The following C10orf90 variants were observed in gnomAD, a reference collection of about 807,000 sequenced individuals.
The protein encoded by C10orf90 is chromosome 10 open reading frame 90.
C10orf90 carries 56 observed loss-of-function variants against 62.5 expected under a neutral mutation model. That is an observed-to-expected ratio of 0.90 (90% CI 0.72 to 1.12). C10orf90 has a LOEUF of 1.12. C10orf90 is among the 50% of genes most tolerant of loss of function. The pLI is 0.00. For synonymous variants in C10orf90, 386 were observed against 340.4 expected (o/e 1.13, Z -1.47); for missense variants, 970 against 880.4 (o/e 1.10, Z -1.29).
intron 1 of C10orf90, among the ~76,000 whole-genome samples, chr10:126,652,200 A>G (rs1284349356): frequency 2.6e-5 from 4 of 152,210 alleles, no homozygotes; most frequent in Non-Finnish European, 4.4e-5. Flanking sequence ...TTGCTCTACC[A>G]TGATTCCCTC....
chr10:126,634,193 A>G (rs997301135), intron 2 of C10orf90, among the ~76,000 whole-genome samples: 5 of 152,240 alleles, frequency 3.3e-5, no homozygotes, highest in African/African-American at 1.2e-4. Flanking sequence ...TGTTTACTGT[A>G]GCACTCTTCA....
At chr10:126,668,541 G>A (rs975583037) in intron 1 of C10orf90, among the ~76,000 whole-genome samples, 2 of 152,210 alleles carry the variant, frequency 1.3e-5, no homozygotes, top group Non-Finnish European at 2.9e-5. Flanking sequence ...ATAGTTTAAT[G>A]GATGAGGAAT....
At chr10:126,656,641 C>A (rs1479354699) in intron 1 of C10orf90, among the ~76,000 whole-genome samples, 1 of 152,196 alleles carries the variant, frequency 6.6e-6, no homozygotes, top group Non-Finnish European at 1.5e-5. Flanking sequence ...TCAGAACAGG[C>A]AACGCTATAG....
At chr10:126,669,804 T>C (rs1268935111) in intron 1 of C10orf90, among the ~76,000 whole-genome samples, 1 of 152,064 alleles carries the variant, frequency 6.6e-6, no homozygotes, top group African/African-American at 2.4e-5. Context: ...CATTCTATTT[T>C]AACTCGATGA....
At chr10:126,563,172 C>T (rs1302055791) in intron 2 of C10orf90, among the ~76,000 whole-genome samples, 6 of 152,226 alleles carry the variant, frequency 3.9e-5, no homozygotes, top group African/African-American at 7.2e-5. Flanking sequence ...ATGCTGGGCA[C>T]GTCCACTCAC....
intron 2 of C10orf90, among the ~76,000 whole-genome samples, chr10:126,617,032 G>T (rs1026017978): frequency 1.3e-5 from 2 of 152,154 alleles, no homozygotes; most frequent in African/African-American, 4.8e-5. Flanking sequence ...ATCATTTGCA[G>T]TCAGGAAATG....
intron 7 of C10orf90, among the ~76,000 whole-genome samples, chr10:126,446,126 A>G (rs1447023467): frequency 6.6e-6 from 1 of 152,064 alleles, no homozygotes; most frequent in African/African-American, 2.4e-5. Flanking sequence ...ATGTAAGCAA[A>G]CACCACTTGT....
At chr10:126,467,428 G>A (rs984633491) in intron 4 of C10orf90, among the ~76,000 whole-genome samples, 2 of 152,200 alleles carry the variant, frequency 1.3e-5, no homozygotes, top group African/African-American at 2.4e-5. Context: ...TGCACTCCAC[G>A]TGCGAGTGGG....
chr10:126,576,680 T>TGGA lies in C10orf90; in HGVS notation c.314-62742_314-62741insTCC, dbSNP rs1485382170. Among the ~76,000 whole-genome samples, 144 of 43,126 alleles carry TGGA rather than the reference T, an allele frequency of 3.3e-3. 14 individuals carry two copies. The highest frequency in any genetic ancestry group is 9.0e-3 in the East Asian group (19 of 2,108). The allele number at this position is 43,126 out of a possible 152,430, so 28.3% of individuals were successfully genotyped here. On this transcript the variant is annotated intron_variant, in intron 2 of 9. Transcript: ENST00000488181. ...ATATGTATACATATATATGTATACATATACATATACATGTATATGTATATG... is the reference window on the plus strand; with the variant it reads ...ATATGTATACATATATATGTATACATGGAATACATATACATGTATATGTATATG...
At chr10:126,585,887 A>G (rs533997702) in intron 2 of C10orf90, among the ~76,000 whole-genome samples, 1 of 152,274 alleles carries the variant, frequency 6.6e-6, no homozygotes, top group African/African-American at 2.4e-5. Context: ...CAAATTCTCA[A>G]GCGACCCTGG....
chr10:126,539,857 A>G (rs187987318), intron 2 of C10orf90, among the ~76,000 whole-genome samples: 1 of 152,320 alleles, frequency 6.6e-6, no homozygotes, highest in East Asian at 1.9e-4. Context: ...GGAAGAGGCA[A>G]GCATTCCCAG....
chr10:126,459,631 A>C (rs199945292), intron 6 of C10orf90, among the ~76,000 whole-genome samples: 6 of 152,210 alleles, frequency 3.9e-5, no homozygotes, highest in Non-Finnish European at 2.9e-5. Flanking sequence ...CTTCTGTTGC[A>C]CTTGGAAGCC....
At chr10:126,560,555 C>T (rs1193307548) in intron 2 of C10orf90, among the ~76,000 whole-genome samples, 2 of 152,098 alleles carry the variant, frequency 1.3e-5, no homozygotes, top group African/African-American at 4.8e-5. Context: ...AGAATGACCC[C>T]ATGGGCATCA....
intron 4 of C10orf90, among the ~76,000 whole-genome samples, chr10:126,489,451 C>T (rs944580765): frequency 2.0e-5 from 3 of 152,002 alleles, no homozygotes; most frequent in Non-Finnish European, 4.4e-5. Flanking sequence ...AAATGACCAA[C>T]AAAAACATGG....
At chr10:126,666,829 A>C (rs555458756) in intron 1 of C10orf90, among the ~76,000 whole-genome samples, 1 of 151,734 alleles carries the variant, frequency 6.6e-6, no homozygotes, top group Non-Finnish European at 1.5e-5. Context: ...GTACAAAAAA[A>C]ATTAGCCGGG....
chr10:126,466,340 C>T (rs546536639), intron 4 of C10orf90, among the ~76,000 whole-genome samples: 13 of 148,908 alleles, frequency 8.7e-5, no homozygotes, highest in African/African-American at 1.3e-4. Context: ...GGTGAAATCC[C>T]GTCTCTACTA....
intron 7 of C10orf90, among the ~76,000 whole-genome samples, chr10:126,439,859 G>A (rs1858187682): frequency 6.6e-6 from 1 of 152,088 alleles, no homozygotes; most frequent in South Asian, 2.1e-4. Context: ...TTTAAGAAGG[G>A]CCAAGCAAAA....
At chr10:126,518,425 G>C (rs866125984) in intron 2 of C10orf90, among the ~76,000 whole-genome samples, 21 of 151,960 alleles carry the variant, frequency 1.4e-4, no homozygotes, top group Non-Finnish European at 1.5e-4. Context: ...CCCCAGAAGA[G>C]AATCATAATG....
intron 7 of C10orf90, among the ~76,000 whole-genome samples, chr10:126,457,822 G>T (rs1357719694): frequency 2.0e-5 from 3 of 152,106 alleles, no homozygotes; most frequent in Non-Finnish European, 4.4e-5. Context: ...TCTTTATTAG[G>T]CCAGAGATGA....
Sources: allele counts gnomAD v4.1 joint callset (sites outside exome capture counted in the v4.1 genomes callset), GRCh38; gene constraint gnomAD v4.1.1; transcripts MANE v1.5; gene names NCBI Gene and HGNC (gene_info 2026-07-23, HGNC 2026-07-21).